Variants in EBF1 observed in about 807,000 individuals in gnomAD.
The protein encoded by EBF1 is transcription factor COE1.
Under a neutral mutation model 68.4 loss-of-function variants are expected in EBF1, and 10 were observed. The ratio of observed to expected loss-of-function variants is 0.15; its 90% confidence interval spans 0.09 to 0.25. The LOEUF (loss-of-function observed/expected upper bound fraction) is 0.25. EBF1 is among the 10% of genes least tolerant of loss of function. EBF1 has a pLI of 1.00. For synonymous variants in EBF1, 298 were observed against 299.8 expected, an observed-to-expected ratio of 0.99 and a Z score of 0.06; for missense variants, 509 against 794.4, an observed-to-expected ratio of 0.64 and a Z score of 4.32.
At chr5:158,709,556 G>A (rs1758693739) in intron 14 of EBF1, among the ~76,000 whole-genome samples, 1 of 152,172 alleles carries the variant, frequency 6.6e-6, no homozygotes, top group African/African-American at 2.4e-5. Flanking sequence ...CTTATCCTTT[G>A]CAAAGTGGGA....
intron 6 of EBF1, among the ~76,000 whole-genome samples, chr5:158,841,429 T>C (rs1790314054): frequency 6.6e-6 from 1 of 152,230 alleles, no homozygotes; most frequent in Admixed American, 6.5e-5. Flanking sequence ...TAGGCCTAGA[T>C]GTGATGTGCC....
At chr5:159,018,969 AAAGACTAT>A (rs1224609864) in intron 6 of EBF1, 1 of 152,206 alleles carries the variant, frequency 6.6e-6, no homozygotes, top group Non-Finnish European at 1.5e-5. Context: ...CCTCCTCCGC[AAAGACTAT>A]AAGCCGCCCC....
chr5:159,000,309 C>T (rs191043659), intron 6 of EBF1, among the ~76,000 whole-genome samples: 16 of 152,184 alleles, frequency 1.1e-4, no homozygotes, highest in Non-Finnish European at 1.8e-4. Flanking sequence ...CTTACATCTT[C>T]GTAGTATTCT....
intron 6 of EBF1, among the ~76,000 whole-genome samples, chr5:158,849,018 G>A (rs1397234616): frequency 6.6e-6 from 1 of 152,180 alleles, no homozygotes; most frequent in Non-Finnish European, 1.5e-5. Flanking sequence ...ATGTAGTGAT[G>A]CTTCTCATTC....
At chr5:158,702,956 G>A (rs1281828670) in intron 15 of EBF1, among the ~76,000 whole-genome samples, 1 of 152,068 alleles carries the variant, frequency 6.6e-6, no homozygotes, top group Non-Finnish European at 1.5e-5. Flanking sequence ...TCAGTATATG[G>A]ATACTACTTT....
At chr5:158,764,554 G>A (rs541725160) in intron 10 of EBF1, among the ~76,000 whole-genome samples, 2 of 152,244 alleles carry the variant, frequency 1.3e-5, no homozygotes, top group South Asian at 2.1e-4. Flanking sequence ...ACAAGGACAC[G>A]GCCTTCAGGA....
At chr5:158,852,622 T>C (rs2128001907) in intron 6 of EBF1, among the ~76,000 whole-genome samples, 1 of 152,340 alleles carries the variant, frequency 6.6e-6, no homozygotes, top group Admixed American at 6.5e-5. Flanking sequence ...CTAGTCTATA[T>C]TATAGACGAT....
chr5:158,935,826 G>GA (rs1811893829), intron 6 of EBF1, among the ~76,000 whole-genome samples: 1 of 152,178 alleles, frequency 6.6e-6, no homozygotes, highest in South Asian at 2.1e-4. Flanking sequence ...GTATATGCCA[G>GA]AAAAAGCCAA....
At chr5:158,819,344 T>A (rs1784370728) in intron 8 of EBF1, among the ~76,000 whole-genome samples, 1 of 152,190 alleles carries the variant, frequency 6.6e-6, no homozygotes, top group South Asian at 2.1e-4. Context: ...CACGGGCACT[T>A]TGCCTTGTTG....
intron 1 of EBF1, chr5:159,097,639 C>G: frequency 4.3e-6 from 1 of 235,012 alleles, no homozygotes; most frequent in Non-Finnish European, 8.4e-6. Flanking sequence ...ACTGCGAGTG[C>G]CCGGCCTTGG....
chr5:158,850,156 C>A (rs1792353513), intron 6 of EBF1, among the ~76,000 whole-genome samples: 1 of 152,152 alleles, frequency 6.6e-6, no homozygotes, highest in Admixed American at 6.5e-5. Context: ...TCAAGTGTAA[C>A]CCAAAGGAAT....
At chr5:158,884,362 C>A (rs1300094347) in intron 6 of EBF1, among the ~76,000 whole-genome samples, 3 of 152,146 alleles carry the variant, frequency 2.0e-5, no homozygotes, top group Non-Finnish European at 4.4e-5. Flanking sequence ...AAATATGAAT[C>A]TAGGGAGTTC....
chr5:159,048,059 C>G (rs183264021), intron 6 of EBF1, among the ~76,000 whole-genome samples: 3 of 152,262 alleles, frequency 2.0e-5, no homozygotes, highest in Non-Finnish European at 2.9e-5. Context: ...ACCTTATTCT[C>G]CAGAGCAAAA....
At chr5:159,022,941 G>A (rs983931776) in intron 6 of EBF1, among the ~76,000 whole-genome samples, 18 of 152,120 alleles carry the variant, frequency 1.2e-4, no homozygotes, top group Admixed American at 7.9e-4. Context: ...TAAAGTCATC[G>A]AGCCAAATGC....
At chr5:158,932,356 C>G (rs1028834951) in intron 6 of EBF1, among the ~76,000 whole-genome samples, 3 of 151,944 alleles carry the variant, frequency 2.0e-5, no homozygotes, top group African/African-American at 7.3e-5. Context: ...AAAATAGCAA[C>G]AAGGAGAGGG....
At chr5:158,947,622 G>C (rs1300342625) in intron 6 of EBF1, among the ~76,000 whole-genome samples, 2 of 152,232 alleles carry the variant, frequency 1.3e-5, no homozygotes, top group African/African-American at 4.8e-5. Flanking sequence ...CTGCAGACAG[G>C]AGCTGTTCCT....
At chr5:158,748,743 C>T (rs556837304) in intron 10 of EBF1, among the ~76,000 whole-genome samples, 2 of 152,254 alleles carry the variant, frequency 1.3e-5, no homozygotes, top group South Asian at 2.1e-4. Flanking sequence ...AATTGACGTC[C>T]TCCCATCACT....
intron 9 of EBF1, among the ~76,000 whole-genome samples, chr5:158,788,288 C>CCA (rs1777868704): frequency 6.6e-6 from 1 of 151,950 alleles, no homozygotes; most frequent in South Asian, 2.1e-4. Flanking sequence ...TGGGAAGATT[C>CCA]CAGAGAAAAA....
intron 5 of EBF1, among the ~76,000 whole-genome samples, chr5:159,074,263 C>T (rs1189549208): frequency 6.6e-6 from 1 of 152,120 alleles, no homozygotes; most frequent in Non-Finnish European, 1.5e-5. Flanking sequence ...GTTGTGGCTG[C>T]CAGTTTTTTA....
Sources: gnomAD v4.1 joint callset for allele counts (sites outside exome capture counted in the v4.1 genomes callset) on GRCh38, gnomAD v4.1.1 for gene constraint, MANE v1.5 for transcripts, NCBI Gene and HGNC (gene_info 2026-07-23, HGNC 2026-07-21) for gene names.